Variants in NTF3 observed in about 807,000 individuals in gnomAD.
NTF3 encodes neurotrophin 3.
A neutral mutation model predicts 26.3 loss-of-function variants in NTF3; 8 were observed. The observed-to-expected ratio is 0.30, with a 90% CI of 0.18 to 0.55. NTF3 has a LOEUF of 0.55. Among genes scored for constraint, NTF3 ranks in the 20% least tolerant of loss-of-function variants. The pLI is 0.93. For missense variants in NTF3, 276 were observed against 352.9 expected (o/e 0.78, Z 1.75); for synonymous variants, 154 against 145.5 (o/e 1.06, Z -0.42).
intron 1 of NTF3, among the ~76,000 whole-genome samples, chr12:5,491,500 G>C (rs931837888): frequency 2.6e-5 from 4 of 152,110 alleles, no homozygotes; most frequent in African/African-American, 9.7e-5. Context: ...GGGATCTTGG[G>C]GGAGCATTGT....
intron 1 of NTF3, among the ~76,000 whole-genome samples, chr12:5,473,441 G>A (rs1482770456): frequency 6.6e-6 from 1 of 152,188 alleles, no homozygotes; most frequent in African/African-American, 2.4e-5. Context: ...GTGGCTAAGG[G>A]GCATTTTGTC....
rs143602111 is a variant in NTF3, at chr12:5,491,574, C to T, written c.19-2620C>T. ...TGAAATTTCAACAGGAGAGGCAGTG[C>T]ACATGGGTTGTGATTTGAGCAGCAG... On this transcript the variant is annotated intron_variant, in intron 1 of 1. Transcript: ENST00000423158. Among the ~76,000 whole-genome samples the T allele has an allele frequency of 5.4e-4, 82 of 152,108 alleles. 1 individual carries two copies. Among genetic ancestry groups the T allele is most frequent in the African/African-American group, 1.9e-3 (78 of 41,490 alleles).
chr12:5,441,813 G>A (rs1387638113), intron 1 of NTF3, among the ~76,000 whole-genome samples: 1 of 152,154 alleles, frequency 6.6e-6, no homozygotes, highest in African/African-American at 2.4e-5. Flanking sequence ...CTTTTGGCCT[G>A]TCCCAAGGCT....
intron 1 of NTF3, among the ~76,000 whole-genome samples, chr12:5,446,184 A>G (rs1210256804): frequency 1.3e-5 from 2 of 152,202 alleles, no homozygotes; most frequent in Non-Finnish European, 2.9e-5. Flanking sequence ...AGTTCCCCCA[A>G]CAACTCACAG....
At chr12:5,478,787 T>C (rs1419760551) in intron 1 of NTF3, among the ~76,000 whole-genome samples, 1 of 152,270 alleles carries the variant, frequency 6.6e-6, no homozygotes, top group African/African-American at 2.4e-5. Flanking sequence ...AGCTCGTCTG[T>C]TGCCTTTTAG....
chr12:5,488,775 C>G (rs990039533), intron 1 of NTF3, among the ~76,000 whole-genome samples: 1 of 152,188 alleles, frequency 6.6e-6, no homozygotes, highest in Admixed American at 6.5e-5. Context: ...AGTCAGAGAT[C>G]ATGTCATAGC....
intron 1 of NTF3, among the ~76,000 whole-genome samples, chr12:5,479,758 G>A: frequency 6.6e-6 from 1 of 152,202 alleles, no homozygotes; most frequent in Non-Finnish European, 1.5e-5. Context: ...GCACATAGTA[G>A]GTGCTCAATC....
chr12:5,486,344 G>A (rs1940865781), intron 1 of NTF3, among the ~76,000 whole-genome samples: 1 of 152,218 alleles, frequency 6.6e-6, no homozygotes, highest in African/African-American at 2.4e-5. Flanking sequence ...TGAAGGGAAG[G>A]CATGCTTTGG....
At chr12:5,478,292 CT>C (rs1277393524) in intron 1 of NTF3, among the ~76,000 whole-genome samples, 1 of 152,222 alleles carries the variant, frequency 6.6e-6, no homozygotes, top group East Asian at 1.9e-4. Flanking sequence ...TTACTTCCTC[CT>C]TTTTCTTGGA....
chr12:5,443,975 G>C (rs1185093449), intron 1 of NTF3, among the ~76,000 whole-genome samples: 1 of 152,174 alleles, frequency 6.6e-6, no homozygotes, highest in Non-Finnish European at 1.5e-5. Context: ...TTTGGATTGG[G>C]TTACAGGTTG....
chr12:5,444,627 C>T (rs913679967), intron 1 of NTF3, among the ~76,000 whole-genome samples: 1 of 152,276 alleles, frequency 6.6e-6, no homozygotes, highest in South Asian at 2.1e-4. Flanking sequence ...TATCCCATAT[C>T]CAGTATGGTG....
chr12:5,483,353 C>T (rs771746083), intron 1 of NTF3, among the ~76,000 whole-genome samples: 9 of 152,148 alleles, frequency 5.9e-5, no homozygotes, highest in East Asian at 1.9e-4. Flanking sequence ...AGGAGACCAA[C>T]GGTGCCAGGG....
intron 1 of NTF3, among the ~76,000 whole-genome samples, chr12:5,466,565 T>G (rs1197464291): frequency 6.6e-6 from 1 of 152,216 alleles, no homozygotes; most frequent in East Asian, 1.9e-4. Flanking sequence ...GTGCAAACAC[T>G]CATGCTTGAG....
chr12:5,458,347 T>C (rs915435787), intron 1 of NTF3, among the ~76,000 whole-genome samples: 1 of 152,188 alleles, frequency 6.6e-6, no homozygotes, highest in Non-Finnish European at 1.5e-5. Flanking sequence ...TGGGGCTCCC[T>C]ATCACACACT....
intron 1 of NTF3, among the ~76,000 whole-genome samples, chr12:5,435,528 G>A (rs1050462394): frequency 3.3e-5 from 5 of 152,206 alleles, no homozygotes; most frequent in African/African-American, 9.7e-5. Context: ...GAGGGATGAT[G>A]TAGACTTTTG....
At chr12:5,488,537 A>G (rs1940896585) in intron 1 of NTF3, among the ~76,000 whole-genome samples, 1 of 152,196 alleles carries the variant, frequency 6.6e-6, no homozygotes, top group Non-Finnish European at 1.5e-5. Flanking sequence ...CTGAGGCCTC[A>G]AGACCTATGT....
intron 1 of NTF3, among the ~76,000 whole-genome samples, chr12:5,432,956 T>C (rs1406501301): frequency 6.6e-6 from 1 of 152,102 alleles, no homozygotes; most frequent in East Asian, 1.9e-4. Flanking sequence ...AGCACCACTC[T>C]GGCCCGGGCG....
intron 1 of NTF3, among the ~76,000 whole-genome samples, chr12:5,489,528 C>T (rs1940907928): frequency 6.6e-6 from 1 of 152,186 alleles, no homozygotes; most frequent in Non-Finnish European, 1.5e-5. Flanking sequence ...TATAATAGTA[C>T]GTACTTCAGG....
chr12:5,490,838 G>A (rs1019190372), intron 1 of NTF3, among the ~76,000 whole-genome samples: 3 of 152,216 alleles, frequency 2.0e-5, no homozygotes, highest in African/African-American at 7.2e-5. Context: ...TGGGGACCGT[G>A]TTGGTAAAGA....
Sources: gnomAD v4.1 joint callset for allele counts (sites outside exome capture counted in the v4.1 genomes callset) on GRCh38, gnomAD v4.1.1 for gene constraint, MANE v1.5 for transcripts, NCBI Gene and HGNC (gene_info 2026-07-23, HGNC 2026-07-21) for gene names.